Variants in RIPOR2 observed in about 807,000 individuals in gnomAD.
The protein encoded by RIPOR2 is RHO family interacting cell polarization regulator 2.
A neutral mutation model predicts 114.5 loss-of-function variants in RIPOR2; 39 were observed. The observed-to-expected ratio is 0.34, with a 90% CI of 0.26 to 0.44. The LOEUF is 0.44. Ranked by LOEUF, RIPOR2 falls within the 20% of genes least tolerant of loss-of-function variation. RIPOR2 has a pLI of 1.00. For missense variants in RIPOR2, 1,007 were observed against 1,255.1 expected, an observed-to-expected ratio of 0.80 and a Z score of 2.99; for synonymous variants, 445 against 484.4, an observed-to-expected ratio of 0.92 and a Z score of 1.07.
chr6:24,822,219 C>A (rs1041390017), intron 19 of RIPOR2, among the ~76,000 whole-genome samples: 1 of 152,170 alleles, frequency 6.6e-6, no homozygotes, highest in African/African-American at 2.4e-5. Context: ...GGTCAGAAAC[C>A]AATCGATGGT....
chr6:24,818,004 C>T (rs1220327628), intron 20 of RIPOR2, among the ~76,000 whole-genome samples: 7 of 82,476 alleles, frequency 8.5e-5, no homozygotes, highest in African/African-American at 2.6e-4. Flanking sequence ...GAGTCTGGCT[C>T]TGCCACCCAG....
intron 19 of RIPOR2, among the ~76,000 whole-genome samples, chr6:24,822,957 C>A (rs1159149937): frequency 1.3e-5 from 2 of 152,140 alleles, no homozygotes; most frequent in African/African-American, 4.8e-5. Context: ...AGCCAGAAGC[C>A]CCTGTCACCA....
Position 24,910,019 on chromosome 6 carries a change from C to G in RIPOR2, c.61+25819G>C, listed in dbSNP as rs534595573. On this transcript the variant is annotated intron_variant, in intron 1 of 21. Coordinates refer to ENST00000643898, the MANE Select transcript of RIPOR2 (RefSeq NM_001286445.3). Reference sequence around the variant, plus strand: ...AATTTCAAAATGCACCTACTCCCTTCGAACGTGAGGGGTCTCTATCTGCTG... The same window carrying G: ...AATTTCAAAATGCACCTACTCCCTTGGAACGTGAGGGGTCTCTATCTGCTG... 2.6e-5 allele frequency among the ~76,000 whole-genome samples: 4 copies of G among 152,218 alleles called. No individual in the cohort carries two copies. In the East Asian group the frequency reaches 5.8e-4, roughly 22 times the overall value.
intron 1 of RIPOR2, among the ~76,000 whole-genome samples, chr6:24,904,116 G>A (rs763973173): frequency 1.8e-4 from 27 of 152,350 alleles, no homozygotes; most frequent in Admixed American, 8.5e-4. Context: ...GGGCAAGGCT[G>A]TGTGTATGAG....
chr6:25,024,440 G>T (rs1776503136), intron 1 of RIPOR2: 2 of 980,140 alleles, frequency 2.0e-6, no homozygotes, highest in African/African-American at 3.2e-5. Flanking sequence ...AGGTGTCCAG[G>T]CCGCCACCAT....
intron 1 of RIPOR2, among the ~76,000 whole-genome samples, chr6:24,882,439 A>G (rs1019532030): frequency 6.6e-5 from 10 of 152,220 alleles, no homozygotes; most frequent in Non-Finnish European, 1.2e-4. Flanking sequence ...CTGTAAGGCA[A>G]CTGGGCAAAT....
At chr6:24,949,419 G>A (rs893760963) in intron 1 of RIPOR2, among the ~76,000 whole-genome samples, 12 of 152,130 alleles carry the variant, frequency 7.9e-5, no homozygotes, top group African/African-American at 2.9e-4. Context: ...TTATAAACCC[G>A]TATCCTTGCA....
intron 1 of RIPOR2, among the ~76,000 whole-genome samples, chr6:24,892,084 C>T (rs1767422216): frequency 6.6e-6 from 1 of 152,114 alleles, no homozygotes; most frequent in African/African-American, 2.4e-5. Context: ...GTCTTGAACT[C>T]CTGACCTCAA....
chr6:25,033,521 A>T (rs1443299338), intron 1 of RIPOR2, among the ~76,000 whole-genome samples: 2 of 152,214 alleles, frequency 1.3e-5, no homozygotes, highest in Non-Finnish European at 2.9e-5. Context: ...TTTAAAAACC[A>T]ACATCTGGGT....
intron 1 of RIPOR2, among the ~76,000 whole-genome samples, chr6:24,948,991 C>T (rs1443407397): frequency 6.6e-6 from 1 of 152,204 alleles, no homozygotes; most frequent in East Asian, 1.9e-4. Flanking sequence ...TCCCTGACTT[C>T]TCTTAGGTGT....
At chr6:24,963,964 G>A (rs78773832) in intron 1 of RIPOR2, among the ~76,000 whole-genome samples, 1,765 of 152,176 alleles carry the variant, frequency 0.012, 16 homozygotes, top group Non-Finnish European at 0.019. Context: ...TCTCAGGCTG[G>A]TCTCGAATTC....
At chr6:25,023,845 G>A (rs1776459621) in intron 1 of RIPOR2, 2 of 734,418 alleles carry the variant, frequency 2.7e-6, no homozygotes, top group Non-Finnish European at 5.0e-6. Context: ...GGTGTTGGGG[G>A]CTTTGACCGG....
intron 5 of RIPOR2, 113 bp downstream of exon 5, chr6:24,870,753 A>C: frequency 1.4e-6 from 1 of 704,120 alleles, no homozygotes; most frequent in Non-Finnish European, 2.4e-6. Flanking sequence ...AGCTCAAGTG[A>C]TCCACCCACC....
intron 1 of RIPOR2, among the ~76,000 whole-genome samples, chr6:25,030,387 G>A (rs1166603082): frequency 1.3e-5 from 2 of 152,136 alleles, no homozygotes; most frequent in African/African-American, 4.8e-5. Context: ...CTTCCCCTGA[G>A]AGAGGACCAG....
intron 19 of RIPOR2, among the ~76,000 whole-genome samples, 175 bp downstream of exon 19, chr6:24,825,051 G>T (rs915918261): frequency 5.3e-5 from 8 of 152,116 alleles, no homozygotes; most frequent in African/African-American, 1.9e-4. Flanking sequence ...TTCTCTGGGG[G>T]CTGGACTTAA....
chr6:24,984,989 A>C (rs187134376), intron 1 of RIPOR2, among the ~76,000 whole-genome samples: 140 of 152,340 alleles, frequency 9.2e-4, no homozygotes, highest in Middle Eastern at 3.4e-3. Context: ...CCACCTGCCA[A>C]ATCAACTTAA....
chr6:24,950,017 A>G (rs1207528642), intron 1 of RIPOR2, among the ~76,000 whole-genome samples: 2 of 152,218 alleles, frequency 1.3e-5, no homozygotes, highest in Admixed American at 1.3e-4. Flanking sequence ...CTCATCCTAG[A>G]GATGACCTAG....
intron 8 of RIPOR2, among the ~76,000 whole-genome samples, chr6:24,857,389 G>C (rs1763577925): frequency 6.6e-6 from 1 of 152,058 alleles, no homozygotes; most frequent in African/African-American, 2.4e-5. Flanking sequence ...TGCGCACTGG[G>C]GGCTTGCAGG....
chr6:24,842,888 C>A lies in RIPOR2; in HGVS notation c.1831G>T (p.Val611Phe). ...TTTAGAATATCATCCAAATTCATGA[C>A]TTCTTGGTTCAGATCCTGAAACTCT... is the stretch of plus-strand genomic sequence containing the variant. ...YKEFQDLNQE[V>F]MNLDDILKCK... The change falls in exon 13 of 22, where the codon GTC becomes TTC. Residue 611 changes from valine (V) to phenylalanine (F), a missense_variant. Coordinates refer to ENST00000643898, the MANE Select transcript of RIPOR2 (RefSeq NM_001286445.3). 1 of 1,449,376 alleles carries A rather than the reference C, an allele frequency of 6.9e-7. No individual in the cohort carries two copies. The highest frequency in any genetic ancestry group is 1.7e-5 in the South Asian group (1 of 59,706). 89.8% of individuals were successfully genotyped at this position (1,449,376 alleles called of 1,614,324 possible).
Sources: allele counts gnomAD v4.1 joint callset (sites outside exome capture counted in the v4.1 genomes callset), GRCh38; gene constraint gnomAD v4.1.1; transcripts MANE v1.5; gene names NCBI Gene and HGNC (gene_info 2026-07-23, HGNC 2026-07-21).